Variants in SCFD1 observed in about 807,000 individuals in gnomAD.
SCFD1 encodes sec1 family domain-containing protein 1.
A neutral mutation model predicts 103.2 loss-of-function variants in SCFD1; 37 were observed. The observed-to-expected ratio is 0.36, with a 90% confidence interval of 0.28 to 0.47. SCFD1 has a LOEUF of 0.47. SCFD1 is among the 20% of genes least tolerant of loss of function. The pLI is 1.00. For synonymous variants in SCFD1, 264 were observed against 245.0 expected (o/e 1.08, Z -0.73); for missense variants, 639 against 761.2 (o/e 0.84, Z 1.89).
rs1050358184 is a variant in SCFD1, at chr14:30,690,816, C to T, written c.1243-3957C>T. On this transcript the variant is annotated intron_variant, in intron 14 of 24. Coordinates refer to ENST00000458591, the MANE Select transcript of SCFD1 (RefSeq NM_016106.4). ...GCTGTAGACCGGAGCTGTTCCTATTCGGCCATCTTGGCTCCTCGCCCACTT... is the reference window on the plus strand; with the variant it reads ...GCTGTAGACCGGAGCTGTTCCTATTTGGCCATCTTGGCTCCTCGCCCACTT... Among the ~76,000 whole-genome samples the T allele has an allele frequency of 3.3e-5, 5 of 152,324 alleles. No homozygotes were observed. The South Asian group carries it at 6.2e-4, about 19-fold the overall frequency.
chr14:30,701,214 C>T (rs1017939494), intron 16 of SCFD1, among the ~76,000 whole-genome samples: 5 of 152,150 alleles, frequency 3.3e-5, no homozygotes, highest in Non-Finnish European at 7.4e-5. Context: ...CAAAACTAAA[C>T]CTGATATTTG....
chr14:30,717,173 G>C (rs553291995), intron 20 of SCFD1, among the ~76,000 whole-genome samples: 2 of 152,196 alleles, frequency 1.3e-5, no homozygotes, highest in South Asian at 4.1e-4. Flanking sequence ...AATACACAGG[G>C]GGTTAAGAAA....
chr14:30,642,194 C>G (rs994435653), intron 6 of SCFD1, among the ~76,000 whole-genome samples: 1 of 152,058 alleles, frequency 6.6e-6, no homozygotes, highest in African/African-American at 2.4e-5. Context: ...TTCAAGCAAT[C>G]CTCCTGCCTC....
At chr14:30,724,991 T>C (rs1042057868) in intron 23 of SCFD1, among the ~76,000 whole-genome samples, 1 of 152,154 alleles carries the variant, frequency 6.6e-6, no homozygotes, top group Non-Finnish European at 1.5e-5. Context: ...CAGATGGTTG[T>C]AGGTATGCAG....
At chr14:30,680,609 T>C (rs1302203877) in intron 14 of SCFD1, among the ~76,000 whole-genome samples, 1 of 152,144 alleles carries the variant, frequency 6.6e-6, no homozygotes, top group Non-Finnish European at 1.5e-5. Flanking sequence ...GGAGTAACCA[T>C]AGGATTAGGA....
chr14:30,725,743 A>G (rs2378781), intron 23 of SCFD1, among the ~76,000 whole-genome samples: 75,267 of 152,014 alleles, frequency 0.5, 21,576 homozygotes, highest in African/African-American at 0.79. Flanking sequence ...TGGTCAGAGA[A>G]GGCATCCTTG....
At chr14:30,709,193 A>G (rs1411381786) in intron 19 of SCFD1, among the ~76,000 whole-genome samples, 2 of 152,214 alleles carry the variant, frequency 1.3e-5, no homozygotes, top group Admixed American at 1.3e-4. Flanking sequence ...CTGTATTCAG[A>G]AAAAAACAAG....
chr14:30,708,434 T>C (rs1891629220), intron 19 of SCFD1, among the ~76,000 whole-genome samples: 1 of 152,190 alleles, frequency 6.6e-6, no homozygotes, highest in African/African-American at 2.4e-5. Context: ...TTTCTGTTCC[T>C]GAGTTAGAAA....
chr14:30,679,249 A>G (rs2139244489), intron 14 of SCFD1, among the ~76,000 whole-genome samples: 1 of 149,596 alleles, frequency 6.7e-6, no homozygotes, highest in South Asian at 2.1e-4. Context: ...TTTGCTTACT[A>G]ATGAGTTATT....
intron 2 of SCFD1, among the ~76,000 whole-genome samples, chr14:30,629,329 T>C (rs1428814421): frequency 6.6e-6 from 1 of 152,176 alleles, no homozygotes; most frequent in East Asian, 1.9e-4. Flanking sequence ...AGAAAATGTG[T>C]TTTCATAACA....
rs560046960 is a variant in SCFD1, at chr14:30,667,237, A to C, written c.856-3019A>C. 1.4e-3 allele frequency among the ~76,000 whole-genome samples: 217 copies of C among 152,326 alleles called. 1 individual carries two copies. The highest frequency in any genetic ancestry group is 7.7e-4 in the East Asian group (4 of 5,192). On this transcript the variant is annotated intron_variant, in intron 10 of 24. Coordinates refer to ENST00000458591, the MANE Select transcript of SCFD1 (RefSeq NM_016106.4). The stretch of plus-strand genomic sequence containing the variant: ...CAAGTTGGCTTCATCCCTGGGATGC[A>C]AGGCTGGTTCAACATATGCAAATCA...
At chr14:30,694,508 T>TA (rs947666596) in intron 14 of SCFD1, among the ~76,000 whole-genome samples, 26 of 147,418 alleles carry the variant, frequency 1.8e-4, no homozygotes, top group East Asian at 5.9e-4. Flanking sequence ...CCCATCTCTA[T>TA]AAAAAAAAAA....
intron 15 of SCFD1, among the ~76,000 whole-genome samples, chr14:30,698,228 G>A (rs11627421): frequency 0.27 from 40,618 of 152,076 alleles, 5,905 homozygotes; most frequent in East Asian, 0.62. Context: ...AGAGAGGTGC[G>A]TGTGACAAGA....
chr14:30,629,536 ATTTGATAGACTAAGTCTATCAAATACTCT>A (rs1247604083), intron 2 of SCFD1, among the ~76,000 whole-genome samples: 63 of 149,894 alleles, frequency 4.2e-4, no homozygotes, highest in African/African-American at 1.2e-3. Context: ...GAGGAAGTGT[ATTTGATAGACTAAGTCTATCAAATACTCT>A]TTAGGGACTT....
At chr14:30,692,280 A>G (rs191896191) in intron 14 of SCFD1, among the ~76,000 whole-genome samples, 2 of 152,332 alleles carry the variant, frequency 1.3e-5, no homozygotes, top group East Asian at 3.9e-4. Flanking sequence ...GGGTTAAACA[A>G]TTAATTAAAC....
chr14:30,639,186 TTAA>T (rs1380380807), intron 5 of SCFD1, among the ~76,000 whole-genome samples: 1 of 152,076 alleles, frequency 6.6e-6, no homozygotes, highest in African/African-American at 2.4e-5. Context: ...GCTAATTTTT[TTAA>T]TATGTTGCCC....
At chr14:30,641,891 G>C (rs921206306) in intron 6 of SCFD1, among the ~76,000 whole-genome samples, 13 of 152,154 alleles carry the variant, frequency 8.5e-5, no homozygotes, top group Non-Finnish European at 4.4e-5. Flanking sequence ...ATACTTTGTA[G>C]ATAATAGTTT....
intron 14 of SCFD1, chr14:30,683,030 G>A (rs1889614368): frequency 3.0e-6 from 4 of 1,316,216 alleles, no homozygotes; most frequent in Non-Finnish European, 3.2e-6. Flanking sequence ...ACAAGGACAG[G>A]CTGGGCAGCC....
intron 2 of SCFD1, among the ~76,000 whole-genome samples, chr14:30,628,675 T>C (rs1883778267): frequency 6.6e-6 from 1 of 152,212 alleles, no homozygotes; most frequent in African/African-American, 2.4e-5. Flanking sequence ...TAATACCACT[T>C]TAATAATTTA....
Sources: gnomAD v4.1 joint callset for allele counts (sites outside exome capture counted in the v4.1 genomes callset) on GRCh38, gnomAD v4.1.1 for gene constraint, MANE v1.5 for transcripts, NCBI Gene and HGNC (gene_info 2026-07-23, HGNC 2026-07-21) for gene names.